IGSF21: variants seen among roughly 807,000 people sequenced by gnomAD.
The protein encoded by IGSF21 is immunoglobin superfamily member 21, also known as immunoglobulin superfamily member 21.
A neutral mutation model predicts 46.8 loss-of-function variants in IGSF21; 28 were observed. The ratio of observed to expected loss-of-function variants is 0.60; its 90% CI spans 0.44 to 0.82. IGSF21 has a LOEUF of 0.82. Ranked by LOEUF, IGSF21 falls within the 40% of genes least tolerant of loss-of-function variation. The probability of loss-of-function intolerance (pLI) is 0.00; values close to 1 mark genes in which losing one functional copy is unlikely to be tolerated. For missense variants in IGSF21, 624 were observed against 665.5 expected (o/e 0.94, Z 0.69); for synonymous variants, 284 against 273.6 (o/e 1.04, Z -0.38).
chr1:18,240,598 G>A (rs975445032), intron 2 of IGSF21, among the ~76,000 whole-genome samples: 2 of 152,212 alleles, frequency 1.3e-5, no homozygotes, highest in African/African-American at 4.8e-5. Flanking sequence ...TTAGAGGATG[G>A]ATGGTTGGAT....
At position 18,175,632 on chromosome 1, in the gene IGSF21, C is replaced by G. The variant is rs111742122; in HGVS notation, c.71-52266C>G. Among the ~76,000 whole-genome samples, 1,434 of 152,208 alleles carry G rather than the reference C, an allele frequency of 9.4e-3. 22 individuals are homozygous for G. The highest frequency in any genetic ancestry group is 0.032 in the African/African-American group (1,319 of 41,530). ...GGTAGCGGGGGCTCCCTTCCTCTGTCCAGTCCCTTATAAGGGGTCCCTTGG... is the reference window on the plus strand; with the variant it reads ...GGTAGCGGGGGCTCCCTTCCTCTGTGCAGTCCCTTATAAGGGGTCCCTTGG... On this transcript the variant is annotated intron_variant, in intron 1 of 9. Transcript: ENST00000251296.
chr1:18,251,705 C>A (rs1388927783), intron 2 of IGSF21, among the ~76,000 whole-genome samples: 2 of 152,142 alleles, frequency 1.3e-5, no homozygotes, highest in Non-Finnish European at 2.9e-5. Flanking sequence ...GGGGATCATA[C>A]AGCTGTTTCT....
intron 3 of IGSF21, among the ~76,000 whole-genome samples, chr1:18,325,842 C>T (rs1236203989): frequency 6.6e-6 from 1 of 152,154 alleles, no homozygotes; most frequent in African/African-American, 2.4e-5. Flanking sequence ...GTGCTCTCAC[C>T]CAGGGACTGT....
At chr1:18,194,439 C>T (rs1274789494) in intron 1 of IGSF21, among the ~76,000 whole-genome samples, 6 of 152,124 alleles carry the variant, frequency 3.9e-5, no homozygotes, top group Non-Finnish European at 8.8e-5. Flanking sequence ...ATCAAGGTGT[C>T]GGCAGGGCCA....
At chr1:18,294,705 C>T (rs533289891) in intron 3 of IGSF21, among the ~76,000 whole-genome samples, 5 of 152,324 alleles carry the variant, frequency 3.3e-5, no homozygotes, top group East Asian at 1.9e-4. Context: ...GTAACAGGGG[C>T]GGTCTCCCAA....
At chr1:18,190,118 AG>A (rs1283100255) in intron 1 of IGSF21, among the ~76,000 whole-genome samples, 2 of 152,162 alleles carry the variant, frequency 1.3e-5, no homozygotes, top group Non-Finnish European at 2.9e-5. Flanking sequence ...GCCAGACCCA[AG>A]GTGATGCTCT....
intron 1 of IGSF21, among the ~76,000 whole-genome samples, chr1:18,168,902 G>C (rs2086707027): frequency 6.6e-6 from 1 of 152,208 alleles, no homozygotes; most frequent in Admixed American, 6.5e-5. Flanking sequence ...TGGGGCCGGA[G>C]GGGAGCAGGT....
intron 1 of IGSF21, among the ~76,000 whole-genome samples, chr1:18,192,017 G>T (rs1312834041): frequency 6.6e-6 from 1 of 152,120 alleles, no homozygotes; most frequent in Non-Finnish European, 1.5e-5. Flanking sequence ...GGGGAGGGCT[G>T]CCACGCTCTG....
intron 1 of IGSF21, among the ~76,000 whole-genome samples, chr1:18,199,653 G>T (rs541437579): frequency 2.8e-4 from 43 of 152,206 alleles, no homozygotes; most frequent in African/African-American, 9.6e-4. Context: ...AGAGCCCAGA[G>T]TGAGCAGGTG....
chr1:18,223,900 G>C (rs1196254292), intron 1 of IGSF21, among the ~76,000 whole-genome samples: 1 of 152,166 alleles, frequency 6.6e-6, no homozygotes, highest in Non-Finnish European at 1.5e-5. Flanking sequence ...GGATGAGAAG[G>C]GGAGTGCCCA....
In IGSF21 at chr1:18,375,555, G is replaced by C. The variant is rs550421669; in HGVS notation, c.1016-755G>C. Among the ~76,000 whole-genome samples the C allele has an allele frequency of 8.3e-4, 127 of 152,320 alleles. 1 individual carries two copies. The highest frequency in any genetic ancestry group is 2.5e-4 in the Non-Finnish European group (17 of 68,032). On this transcript the variant is annotated intron_variant, in intron 6 of 9. Transcript: ENST00000251296. ...GCTTTCAAGCTCAGAGATACAAAGG[G>C]ACTGAATAAGAGGTGATACAAGAAA...
intron 1 of IGSF21, among the ~76,000 whole-genome samples, chr1:18,142,755 C>T (rs563624447): frequency 6.6e-6 from 1 of 152,362 alleles, no homozygotes; most frequent in Admixed American, 6.5e-5. Flanking sequence ...TTAGCGCTTC[C>T]CCCAGATGGG....
intron 2 of IGSF21, among the ~76,000 whole-genome samples, chr1:18,282,721 A>G (rs913490775): frequency 6.6e-6 from 1 of 152,022 alleles, no homozygotes; most frequent in Non-Finnish European, 1.5e-5. Context: ...AATTGCACTT[A>G]CAGCTGTGGG....
At chr1:18,128,639 G>A (rs971648669) in intron 1 of IGSF21, among the ~76,000 whole-genome samples, 7 of 152,130 alleles carry the variant, frequency 4.6e-5, no homozygotes, top group African/African-American at 1.2e-4. Flanking sequence ...TTTAATTCTT[G>A]CAGAACTCCA....
chr1:18,167,303 T>C (rs2086689259), intron 1 of IGSF21, among the ~76,000 whole-genome samples: 1 of 152,114 alleles, frequency 6.6e-6, no homozygotes. Flanking sequence ...TGCCTGGCCC[T>C]TTACCTCATC....
chr1:18,253,516 C>G (rs2084862465), intron 2 of IGSF21, among the ~76,000 whole-genome samples: 1 of 152,218 alleles, frequency 6.6e-6, no homozygotes, highest in South Asian at 2.1e-4. Flanking sequence ...CTACCAGTCC[C>G]TGGGATCCAG....
At position 18,305,491 on chromosome 1, in the gene IGSF21, T is replaced by C. The variant is rs113308697; in HGVS notation, c.305+13504T>C. 3.9e-3 allele frequency among the ~76,000 whole-genome samples: 515 copies of C among 132,040 alleles called. 4 individuals are homozygous for C. Among genetic ancestry groups the C allele is most frequent in the African/African-American group, 0.014 (450 of 31,056 alleles). 86.6% of individuals were successfully genotyped at this position (132,040 alleles called of 152,430 possible). On this transcript the variant is annotated intron_variant, in intron 3 of 9. Transcript: ENST00000251296. ...GACAGATGGATGGATGGATGGATGA[T>C]GGATGGATGGATGGATGGATGAATG...
At chr1:18,265,830 C>A (rs768156818) in intron 2 of IGSF21, among the ~76,000 whole-genome samples, 2 of 152,214 alleles carry the variant, frequency 1.3e-5, no homozygotes, top group African/African-American at 4.8e-5. Flanking sequence ...TCCTTAAGCT[C>A]GCAGGCTGAG....
chr1:18,359,366 GAAA>G (rs2086062342), intron 4 of IGSF21, among the ~76,000 whole-genome samples: 1 of 87,338 alleles, frequency 1.1e-5, no homozygotes, highest in African/African-American at 4.2e-5. Flanking sequence ...AAGAAAGAAA[GAAA>G]GAAAGAAAGA....
Sources: gnomAD v4.1 joint callset for allele counts (sites outside exome capture counted in the v4.1 genomes callset) on GRCh38, gnomAD v4.1.1 for gene constraint, MANE v1.5 for transcripts, NCBI Gene and HGNC (gene_info 2026-07-23, HGNC 2026-07-21) for gene names.